The following CAMK1D variants were observed in gnomAD, a reference collection of about 807,000 sequenced individuals.
The protein encoded by CAMK1D is calcium/calmodulin-dependent protein kinase type 1D.
Under a neutral mutation model 47.7 loss-of-function variants are expected in CAMK1D, and 9 were observed. The observed-to-expected ratio is 0.19, with a 90% CI of 0.11 to 0.33. The LOEUF (loss-of-function observed/expected upper bound fraction) is 0.33, where lower values mean the gene tolerates loss of function less well. CAMK1D is among the 10% of genes least tolerant of loss of function. The pLI is 1.00. For synonymous variants in CAMK1D, 184 were observed against 184.9 expected, an observed-to-expected ratio of 0.99 and a Z score of 0.04; for missense variants, 291 against 488.7, an observed-to-expected ratio of 0.60 and a Z score of 3.81.
At chr10:12,503,026 ATGTG>A (rs750367238) in intron 1 of CAMK1D, among the ~76,000 whole-genome samples, 3 of 131,126 alleles carry the variant, frequency 2.3e-5, no homozygotes, top group African/African-American at 5.5e-5. Context: ...GTATATATGC[ATGTG>A]TGTGTGTGTG....
rs192662765 is a variant in CAMK1D, at chr10:12,778,475, C to T, written c.565+8676C>T. Among the ~76,000 whole-genome samples, 54 of 152,256 alleles carry T rather than the reference C, an allele frequency of 3.5e-4. No individual in the cohort carries two copies. In the East Asian group the frequency reaches 6.0e-3, roughly 17 times the overall value. On this transcript the variant is annotated intron_variant, in intron 5 of 10. Coordinates refer to ENST00000619168, the MANE Select transcript of CAMK1D (RefSeq NM_153498.4). Reference sequence around the variant, plus strand: ...CCCATCCATGTCACTGAGATGTGGGCGGCTCATAGGGCTGGCTCTGCTAAC... The same window carrying T: ...CCCATCCATGTCACTGAGATGTGGGTGGCTCATAGGGCTGGCTCTGCTAAC...
At chr10:12,542,970 T>G (rs1836244526) in intron 1 of CAMK1D, among the ~76,000 whole-genome samples, 1 of 152,098 alleles carries the variant, frequency 6.6e-6, no homozygotes, top group African/African-American at 2.4e-5. Flanking sequence ...GCTCTTGAAC[T>G]CCTGACCTCA....
intron 3 of CAMK1D, among the ~76,000 whole-genome samples, chr10:12,704,539 G>A (rs1833656489): frequency 6.6e-6 from 1 of 151,748 alleles, no homozygotes; most frequent in Admixed American, 6.6e-5. Context: ...TGATGTTATT[G>A]TGTTATATTT....
intron 1 of CAMK1D, among the ~76,000 whole-genome samples, chr10:12,479,949 A>T (rs1302861903): frequency 2.6e-5 from 4 of 152,016 alleles, no homozygotes; most frequent in Admixed American, 2.6e-4. Flanking sequence ...TGCCCCCCCA[A>T]ATGCCACTTC....
chr10:12,501,282 G>T (rs1393154361), intron 1 of CAMK1D, among the ~76,000 whole-genome samples: 1 of 152,194 alleles, frequency 6.6e-6, no homozygotes, highest in East Asian at 1.9e-4. Context: ...TTGAGCCCTT[G>T]TATATTCAGA....
chr10:12,546,286 G>A (rs1261709113), intron 1 of CAMK1D, among the ~76,000 whole-genome samples: 1 of 152,136 alleles, frequency 6.6e-6, no homozygotes, highest in Non-Finnish European at 1.5e-5. Context: ...CCAGAGCCAC[G>A]ATGAAGGGAT....
At chr10:12,517,390 G>A (rs1020203716) in intron 1 of CAMK1D, among the ~76,000 whole-genome samples, 6 of 152,158 alleles carry the variant, frequency 3.9e-5, no homozygotes, top group South Asian at 2.1e-4. Context: ...GACTTTCAGT[G>A]TGATGCTGAA....
At chr10:12,408,522 T>C (rs1419243027) in intron 1 of CAMK1D, among the ~76,000 whole-genome samples, 2 of 152,220 alleles carry the variant, frequency 1.3e-5, no homozygotes, top group South Asian at 2.1e-4. Context: ...ACTATGATTC[T>C]GCAAGGCACA....
intron 2 of CAMK1D, among the ~76,000 whole-genome samples, chr10:12,649,275 G>A (rs1444036623): frequency 6.6e-6 from 1 of 152,224 alleles, no homozygotes; most frequent in Non-Finnish European, 1.5e-5. Flanking sequence ...GTGTTGTCAG[G>A]TTCCAAGTGT....
chr10:12,496,036 C>T (rs1480081684), intron 1 of CAMK1D, among the ~76,000 whole-genome samples: 1 of 151,978 alleles, frequency 6.6e-6, no homozygotes, highest in African/African-American at 2.4e-5. Context: ...ACCATGTTGT[C>T]CAGGCTGGTC....
At chr10:12,356,293 G>A (rs1837513356) in intron 1 of CAMK1D, among the ~76,000 whole-genome samples, 1 of 152,174 alleles carries the variant, frequency 6.6e-6, no homozygotes, top group Admixed American at 6.5e-5. Context: ...CCAAGGACCT[G>A]GGCTTGGACG....
chr10:12,766,256 G>A (rs965692732), intron 4 of CAMK1D, among the ~76,000 whole-genome samples: 82 of 150,980 alleles, frequency 5.4e-4, no homozygotes, highest in Non-Finnish European at 1.0e-3. Flanking sequence ...ACAGGTGTGA[G>A]CCCCCCCTCC....
At chr10:12,429,418 C>A (rs532875481) in intron 1 of CAMK1D, among the ~76,000 whole-genome samples, 6 of 152,212 alleles carry the variant, frequency 3.9e-5, no homozygotes, top group Non-Finnish European at 7.4e-5. Context: ...CGGCTCATTG[C>A]AACCTCTGCC....
chr10:12,745,335 G>A (rs750768722), intron 3 of CAMK1D, among the ~76,000 whole-genome samples: 8 of 151,994 alleles, frequency 5.3e-5, no homozygotes, highest in Non-Finnish European at 8.8e-5. Context: ...CAGCTGCTCT[G>A]CTGTATTTTT....
intron 1 of CAMK1D, among the ~76,000 whole-genome samples, chr10:12,357,713 T>A (rs1837558057): frequency 6.6e-6 from 1 of 152,160 alleles, no homozygotes; most frequent in Non-Finnish European, 1.5e-5. Context: ...TGATGCAAGA[T>A]GGTCAATTCC....
chr10:12,460,751 G>A (rs948489770), intron 1 of CAMK1D, among the ~76,000 whole-genome samples: 2 of 151,880 alleles, frequency 1.3e-5, no homozygotes, highest in Admixed American at 6.6e-5. Context: ...AATTTTTGTG[G>A]AGATGGAGTT....
chr10:12,515,796 A>G (rs1298152039), intron 1 of CAMK1D, among the ~76,000 whole-genome samples: 2 of 151,654 alleles, frequency 1.3e-5, no homozygotes, highest in African/African-American at 2.4e-5. Context: ...TATTTTTAGT[A>G]GAGATGGGAT....
intron 1 of CAMK1D, among the ~76,000 whole-genome samples, chr10:12,531,261 G>C (rs1835797056): frequency 6.6e-6 from 1 of 152,130 alleles, no homozygotes; most frequent in Admixed American, 6.5e-5. Context: ...CTGATAACTT[G>C]TTTGTCTTCA....
At chr10:12,520,967 GGGGAGA>G (rs1237634079) in intron 1 of CAMK1D, among the ~76,000 whole-genome samples, 9 of 24,582 alleles carry the variant, frequency 3.7e-4, no homozygotes, top group South Asian at 2.6e-3. Context: ...GGAGGGGGAG[GGGGAGA>G]GCTTTATTCA....
Sources: gnomAD v4.1 joint callset for allele counts (sites outside exome capture counted in the v4.1 genomes callset) on GRCh38, gnomAD v4.1.1 for gene constraint, MANE v1.5 for transcripts, NCBI Gene and HGNC (gene_info 2026-07-23, HGNC 2026-07-21) for gene names.